The following DOK4 variants were observed in gnomAD, a reference collection of about 807,000 sequenced individuals.
DOK4 encodes docking protein 4, also known as downstream of tyrosine kinase 4.
DOK4 carries 26 observed loss-of-function variants against 40.1 expected under a neutral mutation model. The observed-to-expected ratio is 0.65, with a 90% CI of 0.48 to 0.90. The LOEUF is 0.90. DOK4 is among the 40% of genes least tolerant of loss of function. DOK4 has a pLI of 0.00. For synonymous variants in DOK4, 179 were observed against 177.0 expected (o/e 1.01, Z -0.09); for missense variants, 392 against 437.2 (o/e 0.90, Z 0.92).
intron 1 of DOK4, among the ~76,000 whole-genome samples, chr16:57,484,459 A>G (rs1201218373): frequency 6.6e-6 from 1 of 152,180 alleles, no homozygotes; most frequent in East Asian, 1.9e-4. Context: ...CGGCCAAAAC[A>G]TGGTGAGTCC....
At chr16:57,483,231 G>C (rs1333081665) in intron 1 of DOK4, among the ~76,000 whole-genome samples, 2 of 151,758 alleles carry the variant, frequency 1.3e-5, no homozygotes, top group African/African-American at 4.8e-5. Context: ...CAAGTGGTGA[G>C]GGGGGGGCCC....
chr16:57,473,119 G>T, exon 9 of DOK4: 1 of 509,516 alleles, frequency 2.0e-6, no homozygotes, highest in East Asian at 3.2e-5. Flanking sequence ...CATTGATACA[G>T]AGTATGTCAT....
chr16:57,486,485 T>TGGGACTCCGCTC (rs1245185086), exon 1 of DOK4: 1 of 151,752 alleles, frequency 6.6e-6, no homozygotes, highest in Non-Finnish European at 1.5e-5. Context: ...GGGCTCCGGC[T>TGGGACTCCGCTC]GGGACTCCGC....
rs931096270 is a variant in DOK4 at position 57,473,802 on chromosome 16, G to A, written c.739-66C>T. Reference sequence around the variant, plus strand: ...CAGTATCCCTGAGCAGCCACCCCAAGACCCTACCTGCCTCCACTGTGTACC... The same window carrying A: ...CAGTATCCCTGAGCAGCCACCCCAAAACCCTACCTGCCTCCACTGTGTACC... On this transcript the variant is annotated intron_variant, in intron 7 of 8. Coordinates refer to ENST00000340099, the Ensembl canonical transcript of DOK4. 15 of 1,589,500 alleles carry A rather than the reference G, an allele frequency of 9.4e-6. No individual in the cohort carries two copies. In the African/African-American group the frequency reaches 1.5e-4, roughly 16 times the overall value.
In DOK4 at chr16:57,479,730, T is replaced by C; in HGVS notation, c.-181-42A>G. 1 of 485,406 alleles carries C rather than the reference T, an allele frequency of 2.1e-6. No homozygotes were observed. The highest frequency in any genetic ancestry group is 3.7e-5 in the Admixed American group (1 of 27,106). The allele number at this position is 485,406 out of a possible 1,614,324, so 30.1% of individuals were successfully genotyped here. On this transcript the variant is annotated intron_variant, in intron 1 of 8. Transcript: ENST00000340099. This position sits in a 1 kb window ranked among gnomAD's most constrained non-coding sequence, Gnocchi z 5.8. ...CAGGGAGATTAGAGACAGTGACATCTTTCTCTTCCTCTCGCTGTCTCGCTC... is the reference window on the plus strand; with the variant it reads ...CAGGGAGATTAGAGACAGTGACATCCTTCTCTTCCTCTCGCTGTCTCGCTC...
intron 1 of DOK4, among the ~76,000 whole-genome samples, chr16:57,482,146 G>A (rs1190696798): frequency 6.6e-6 from 1 of 152,028 alleles, no homozygotes; most frequent in African/African-American, 2.4e-5. Flanking sequence ...TTACAGGCGT[G>A]AGCCACTGCG....
intron 1 of DOK4, chr16:57,483,887 G>A (rs1336715778): frequency 1.3e-5 from 2 of 152,278 alleles, no homozygotes; most frequent in Non-Finnish European, 2.9e-5. Context: ...TGAGGGAGGA[G>A]GGGAGCAAGG....
exon 4 of DOK4, chr16:57,475,611 T>G: frequency 1.2e-6 from 2 of 1,602,142 alleles, no homozygotes; most frequent in Non-Finnish European, 1.7e-6. Context: ...ACGTTGCTGA[T>G]CTCAGTCACC....
chr16:57,476,100 G>A lies in DOK4; in HGVS notation c.67-143C>T. 4.5e-6 allele frequency: 3 copies of A among 667,406 alleles called. No individual in the cohort carries two copies. In the South Asian group the frequency reaches 5.3e-5, roughly 12 times the overall value. 41.3% of individuals were successfully genotyped at this position (667,406 alleles called of 1,614,324 possible). ...CCCAGCCTGGGGACACCGGGGGTGG[G>A]AGTCACCAGCAGTGTCACCTCCCTG... On this transcript the variant is annotated intron_variant, in intron 2 of 8. Transcript: ENST00000340099.
intron 5 of DOK4, 39 bp downstream of exon 5, chr16:57,475,061 C>T (rs1217985528): frequency 1.9e-6 from 3 of 1,605,552 alleles, no homozygotes; most frequent in Non-Finnish European, 2.6e-6. Flanking sequence ...TCTCTTCCTC[C>T]TCCCCCTCCC....
chr16:57,475,472 G>T, intron 4 of DOK4, 34 bp downstream of exon 4: 1 of 1,564,832 alleles, frequency 6.4e-7, no homozygotes, highest in Non-Finnish European at 8.7e-7. Flanking sequence ...ACCACCCCAG[G>T]GGAGGCAGAT....
chr16:57,475,555 C>T, exon 4 of DOK4: 1 of 1,610,032 alleles, frequency 6.2e-7, no homozygotes, highest in South Asian at 1.1e-5. Flanking sequence ...ATATGATGGC[C>T]ACCGCCTGCC....
At chr16:57,486,107 G>A (rs1274924084) in intron 1 of DOK4, among the ~76,000 whole-genome samples, 198 bp downstream of exon 1, 1 of 152,062 alleles carries the variant, frequency 6.6e-6, no homozygotes, top group Non-Finnish European at 1.5e-5. Context: ...AGAGAGCGCA[G>A]GGAGTTTCAG....
intron 1 of DOK4, among the ~76,000 whole-genome samples, chr16:57,480,774 G>A (rs1420960645): frequency 6.6e-6 from 1 of 152,228 alleles, no homozygotes; most frequent in African/African-American, 2.4e-5. Context: ...GACTCAGGGG[G>A]AGGCTCAGTG....
Position 57,482,659 on chromosome 16 carries a change from G to A in DOK4, c.-181-2971C>T, listed in dbSNP as rs975937632. 4.6e-5 allele frequency among the ~76,000 whole-genome samples: 7 copies of A among 151,986 alleles called. No individual in the cohort carries two copies. The East Asian group carries it at 7.7e-4, about 17-fold the overall frequency. ...TGGGATTACAGGCGTGAGCCACTGC[G>A]CCCGGCCCCTAGAGATGGGTTTTCA... On this transcript the variant is annotated intron_variant, in intron 1 of 8. Coordinates refer to ENST00000340099, the Ensembl canonical transcript of DOK4.
At position 57,473,542 on chromosome 16, in the gene DOK4, C is replaced by T. The variant is rs374854225; in HGVS notation, c.863-47G>A. 113 of 1,614,226 alleles carry T rather than the reference C, an allele frequency of 7.0e-5. No individual in the cohort carries two copies. In the African/African-American group the frequency reaches 1.4e-3, roughly 20 times the overall value. ...CAGAACTCAGAGCTAGGTCAAAAGA[C>T]CCCTGCCCAATAGGCCTCATCCTCC... On this transcript the variant is annotated intron_variant, in intron 8 of 8. Coordinates refer to ENST00000340099, the Ensembl canonical transcript of DOK4.
rs903765122 is a variant in DOK4 at position 57,485,723 on chromosome 16, G to A, written c.-182+582C>T. 1.3e-5 allele frequency among the ~76,000 whole-genome samples: 2 copies of A among 152,224 alleles called. No homozygotes were observed. ...TAGAAAGCATGTAACTGGATCTAGG[G>A]CCTTGCGGGCCCTGGGGGAGAAGGT... On this transcript the variant is annotated intron_variant, in intron 1 of 8. Coordinates refer to ENST00000340099, the Ensembl canonical transcript of DOK4. The surrounding 1 kb of genome is among the most constrained non-coding windows in gnomAD (Gnocchi z 4.3).
At chr16:57,476,750 C>A (rs2031198979) in intron 2 of DOK4, among the ~76,000 whole-genome samples, 1 of 152,228 alleles carries the variant, frequency 6.6e-6, no homozygotes, top group African/African-American at 2.4e-5. Flanking sequence ...GGTGCCTTCC[C>A]TCCTGGCCCT....
chr16:57,479,689 C>A lies in DOK4; in HGVS notation c.-181-1G>T, dbSNP rs1477936446. On this transcript the variant is annotated splice_acceptor_variant, in intron 1 of 8. Transcript: ENST00000340099. LOFTEE classifies it low-confidence loss of function (5UTR_SPLICE). This position sits in a 1 kb window ranked among gnomAD's most constrained non-coding sequence, Gnocchi z 5.8. ...TAGCAGCTCCTTCGCCCCGCGCCTG[C>A]TGGAAATAAAAATGACAGGGAGATT... is the stretch of plus-strand genomic sequence containing the variant. 1.1e-5 allele frequency: 6 copies of A among 552,710 alleles called. No homozygotes were observed. The highest frequency in any genetic ancestry group is 1.9e-5 in the African/African-American group (1 of 52,200). The allele number at this position is 552,710 out of a possible 1,614,324, so 34.2% of individuals were successfully genotyped here.
Sources: allele counts gnomAD v4.1 joint callset (sites outside exome capture counted in the v4.1 genomes callset), GRCh38; gene constraint gnomAD v4.1.1; non-coding constraint Gnocchi (gnomAD v3.1); transcripts MANE v1.5; gene names NCBI Gene and HGNC (gene_info 2026-07-23, HGNC 2026-07-21).